Variants in IRAG1 observed in about 807,000 individuals in gnomAD.
IRAG1 encodes the protein inositol 1,4,5-triphosphate receptor associated 1.
Under a neutral mutation model 106.2 loss-of-function variants are expected in IRAG1, and 62 were observed. That is an observed-to-expected ratio of 0.58 (90% CI 0.48 to 0.72). The LOEUF is 0.72. Among genes scored for constraint, IRAG1 ranks in the 30% least tolerant of loss-of-function variants. The pLI, the probability that IRAG1 is intolerant of heterozygous loss-of-function variation, is 0.00. For synonymous variants in IRAG1, 462 were observed against 443.9 expected (o/e 1.04, Z -0.51); for missense variants, 1,064 against 1,140.7 (o/e 0.93, Z 0.97).
intron 1 of IRAG1, among the ~76,000 whole-genome samples, chr11:10,658,894 C>T (rs1329520373): frequency 6.7e-6 from 1 of 149,162 alleles, no homozygotes; most frequent in African/African-American, 2.5e-5. Context: ...GCTGTGGTTA[C>T]CCCATGTCTG....
rs1395635643 is a variant in IRAG1, at chr11:10,665,001, G to C, written c.68-12819C>G. ...TACCCCTTTTTTCTTAAGCTGGCTT[G>C]TACGAGCTTTTTTGGCACTTGCAAT... is the stretch of plus-strand genomic sequence containing the variant. On this transcript the variant is annotated intron_variant, in intron 1 of 20. Coordinates refer to ENST00000423302, the MANE Select transcript of IRAG1 (RefSeq NM_130385.4). This position sits in a 1 kb window ranked among gnomAD's most constrained non-coding sequence, Gnocchi z 4.2. Among the ~76,000 whole-genome samples, 2 of 152,128 alleles carry C rather than the reference G, an allele frequency of 1.3e-5. No individual in the cohort carries two copies. The highest frequency in any genetic ancestry group is 2.9e-5 in the Non-Finnish European group (2 of 68,026).
At chr11:10,678,709 G>C (rs1295782430) in intron 1 of IRAG1, among the ~76,000 whole-genome samples, 1 of 152,174 alleles carries the variant, frequency 6.6e-6, no homozygotes, top group Non-Finnish European at 1.5e-5. Context: ...ATGCCCTCTT[G>C]GTAGGCAACT....
Position 10,600,996 on chromosome 11 carries a change from A to G in IRAG1, c.1939T>C (p.Tyr647His). The G allele has an allele frequency of 6.2e-7, 1 of 1,614,042 alleles. No individual in the cohort carries two copies. Among genetic ancestry groups the G allele is most frequent in the Non-Finnish European group, 8.5e-7 (1 of 1,179,892 alleles). The change falls in exon 15 of 21, where the codon TAT (tyrosine) becomes CAT (histidine). Residue 647 changes from tyrosine (Y) to histidine (H), a missense_variant. Coordinates refer to ENST00000423302, the MANE Select transcript of IRAG1 (RefSeq NM_130385.4). ...MQYVENLKRT[Y>H]EKDHAELMEF... ...ATGAGCTCCGCATGGTCCTTCTCATACGTCCTCTTTAGATTCTCCACATAC... is the reference window on the plus strand; with the variant it reads ...ATGAGCTCCGCATGGTCCTTCTCATGCGTCCTCTTTAGATTCTCCACATAC...
intron 2 of IRAG1, among the ~76,000 whole-genome samples, chr11:10,650,270 T>C (rs1447940919): frequency 6.6e-6 from 1 of 152,198 alleles, no homozygotes; most frequent in Non-Finnish European, 1.5e-5. Context: ...TCTTGTTTTA[T>C]GTTTCCTGAG....
intron 10 of IRAG1, among the ~76,000 whole-genome samples, chr11:10,622,902 C>CACACACACACACACACACACA (rs61234211): frequency 6.6e-6 from 1 of 151,782 alleles, no homozygotes; most frequent in East Asian, 1.9e-4. Context: ...CACACACACA[C>CACACACACACACACACACACA]TCCTGCCCTT....
chr11:10,609,874 T>C lies in IRAG1; in HGVS notation c.1448-23A>G, dbSNP rs368914455. ...GCCCTGAAAAAAAAGTGCTTACTTA[T>C]AAAATGTCTCTTTGAAATCACAGTA... On this transcript the variant is annotated intron_variant, in intron 10 of 20. Transcript: ENST00000423302. 53 of 1,612,096 alleles carry C rather than the reference T, an allele frequency of 3.3e-5. No homozygotes were observed. The African/African-American group carries it at 5.9e-4, about 18-fold the overall frequency.
At position 10,659,523 on chromosome 11, in the gene IRAG1, C is replaced by T. The variant is rs1367457467; in HGVS notation, c.68-7341G>A. Among the ~76,000 whole-genome samples, 1 of 152,080 alleles carries T rather than the reference C, an allele frequency of 6.6e-6. No homozygotes were observed. The highest frequency in any genetic ancestry group is 2.4e-5 in the African/African-American group (1 of 41,410). On this transcript the variant is annotated intron_variant, in intron 1 of 20. Transcript: ENST00000423302. The surrounding 1 kb of genome is among the most constrained non-coding windows in gnomAD (Gnocchi z 4.1). The stretch of plus-strand genomic sequence containing the variant: ...ACCCCGACAATCCTGGGGTTTGCAC[C>T]TCTGTGGGAAACCTTCTTAGGGCCC...
chr11:10,603,150 G>A lies in IRAG1; in HGVS notation c.1845C>T (p.Ser615=). 1.2e-6 allele frequency: 2 copies of A among 1,611,398 alleles called. No homozygotes were observed. The highest frequency in any genetic ancestry group is 1.7e-6 in the Non-Finnish European group (2 of 1,179,006). ...VLHRLAARLS[S]RAEVVGAVRQ... is the part of the protein sequence containing the mutation. The stretch of plus-strand genomic sequence containing the variant: ...GGACGGCGCCTACCACCTCAGCTCG[G>A]CTGGAGAGGCGGGCAGCCAGGCGGT... Residue 615 remains serine (S), a synonymous_variant, in exon 14 of 21, where the codon AGC becomes AGT. Transcript: ENST00000423302.
intron 2 of IRAG1, among the ~76,000 whole-genome samples, chr11:10,634,785 G>GTGTGTGTGTGTA (rs755309873): frequency 6.9e-6 from 1 of 145,376 alleles, no homozygotes; most frequent in African/African-American, 2.5e-5. Context: ...GTGTGTGTGT[G>GTGTGTGTGTGTA]TATACAGACA....
chr11:10,604,852 G>T (rs1854345019), intron 12 of IRAG1, among the ~76,000 whole-genome samples: 1 of 152,218 alleles, frequency 6.6e-6, no homozygotes, highest in Admixed American at 6.5e-5. Flanking sequence ...CTGTATCTGG[G>T]TTTAGATAAA....
intron 1 of IRAG1, among the ~76,000 whole-genome samples, chr11:10,656,976 G>A (rs946822203): frequency 5.9e-5 from 9 of 152,172 alleles, no homozygotes; most frequent in African/African-American, 1.4e-4. Context: ...TTGTCGGGCC[G>A]GGGTCTTATG....
chr11:10,582,577 T>A (rs1219264795), intron 18 of IRAG1, among the ~76,000 whole-genome samples: 1 of 152,082 alleles, frequency 6.6e-6, no homozygotes, highest in Non-Finnish European at 1.5e-5. Flanking sequence ...AGAGAATGTG[T>A]TTAGAGTGAA....
At chr11:10,691,905 C>T (rs1564948961) in intron 1 of IRAG1, among the ~76,000 whole-genome samples, 1 of 152,160 alleles carries the variant, frequency 6.6e-6, no homozygotes, top group Non-Finnish European at 1.5e-5. Flanking sequence ...CTAAAGTGTC[C>T]TCCTCTACAA....
chr11:10,651,938 T>A, intron 2 of IRAG1, 87 bp downstream of exon 2: 1 of 1,433,878 alleles, frequency 7.0e-7, no homozygotes, highest in Non-Finnish European at 9.2e-7. Context: ...GCAAACCCTC[T>A]GGCCAGCCTA....
intron 1 of IRAG1, chr11:10,690,397 C>T (rs549344078): frequency 9.7e-5 from 125 of 1,286,838 alleles, no homozygotes; most frequent in East Asian, 7.3e-4. Context: ...GTTTCCTGTC[C>T]GACCAACTGT....
At position 10,667,682 on chromosome 11, in the gene IRAG1, T is replaced by G. The variant is rs548296742; in HGVS notation, c.68-15500A>C. On this transcript the variant is annotated intron_variant, in intron 1 of 20. Transcript: ENST00000423302. ...CAGCTGGAATTCTAAAACATAGGTG[T>G]GGTCGCAGGCCTCCCTCAAGTCAAA... Among the ~76,000 whole-genome samples, 7 of 152,330 alleles carry G rather than the reference T, an allele frequency of 4.6e-5. No individual in the cohort carries two copies. In the South Asian group the frequency reaches 1.4e-3, roughly 32 times the overall value.
chr11:10,652,093 T>C lies in IRAG1; in HGVS notation c.157A>G (p.Met53Val). 1 of 1,607,086 alleles carries C rather than the reference T, an allele frequency of 6.2e-7. No individual in the cohort carries two copies. Among genetic ancestry groups the C allele is most frequent in the Non-Finnish European group, 8.5e-7 (1 of 1,177,232 alleles). Residue 53 changes from methionine to valine, a missense_variant, in exon 2 of 21, where the codon ATG (methionine) becomes GTG (valine). By Grantham distance (21) the Met-to-Val change is conservative. Transcript: ENST00000423302. ...TRGHSQQEAA[M>V]PHIPEDEEPP... is the part of the protein sequence containing the mutation. ...TCCTCGTCCTCGGGAATGTGGGGCA[T>C]GGCAGCCTCCTGCTGGGAGTGGCCA... is the stretch of plus-strand genomic sequence containing the variant.
chr11:10,623,247 C>T (rs536233858), intron 10 of IRAG1, among the ~76,000 whole-genome samples: 67 of 152,252 alleles, frequency 4.4e-4, no homozygotes, highest in African/African-American at 1.5e-3. Context: ...CTGAGAACAT[C>T]GGCAGAGGTG....
chr11:10,612,771 T>C (rs1241725279), intron 10 of IRAG1, among the ~76,000 whole-genome samples: 1 of 152,058 alleles, frequency 6.6e-6, no homozygotes, highest in Non-Finnish European at 1.5e-5. Flanking sequence ...GCAAAATATA[T>C]ACCATAAATA....
Sources: allele counts gnomAD v4.1 joint callset (sites outside exome capture counted in the v4.1 genomes callset), GRCh38; gene constraint gnomAD v4.1.1; non-coding constraint Gnocchi (gnomAD v3.1); transcripts MANE v1.5; gene names NCBI Gene and HGNC (gene_info 2026-07-23, HGNC 2026-07-21).